KIF6: variants seen among roughly 807,000 people sequenced by gnomAD.
The protein encoded by KIF6 is kinesin family member 6.
Under a neutral mutation model 112.7 loss-of-function variants are expected in KIF6, and 106 were observed. That is an observed-to-expected ratio of 0.94 (90% CI 0.80 to 1.11). The LOEUF is 1.11. Among genes scored for constraint, KIF6 ranks in the 50% least tolerant of loss-of-function variants. The pLI is 0.00. For missense variants in KIF6, 929 were observed against 964.0 expected, an observed-to-expected ratio of 0.96 and a Z score of 0.48; for synonymous variants, 339 against 339.9, an observed-to-expected ratio of 1.00 and a Z score of 0.03.
chr6:39,578,127 T>C lies in KIF6; in HGVS notation c.1110A>G (p.Glu370=), dbSNP rs765475604. The C allele has an allele frequency of 1.2e-6, 2 of 1,614,036 alleles. No individual in the cohort carries two copies. Among genetic ancestry groups the C allele is most frequent in the South Asian group, 2.2e-5 (2 of 91,072 alleles). ...VIKRLQKEIQ[E]LKDELAMVTG... The stretch of plus-strand genomic sequence containing the variant: ...TGACCATGGCCAGTTCATCCTTCAG[T>C]TCCTGGATTTCCTTTTGTAGGCGTT... Residue 370 remains glutamate (E), a synonymous_variant, in exon 10 of 23, where the codon GAA becomes GAG. Transcript: ENST00000287152.
rs897330378 is a variant in KIF6, at chr6:39,570,556, G to A, written c.1181+7500C>T. On this transcript the variant is annotated intron_variant, in intron 10 of 22. Coordinates refer to ENST00000287152, the MANE Select transcript of KIF6 (RefSeq NM_145027.6). ...GATCCTATGGATACTAATTGATAGA[G>A]TTTGGCTGTGTCCCCACTCAAATCT... is the stretch of plus-strand genomic sequence containing the variant. Among the ~76,000 whole-genome samples, 15 of 152,288 alleles carry A rather than the reference G, an allele frequency of 9.8e-5. 1 individual carries two copies. The East Asian group carries it at 1.5e-3, about 16-fold the overall frequency.
intron 10 of KIF6, among the ~76,000 whole-genome samples, chr6:39,576,916 G>C (rs1781005347): frequency 6.6e-6 from 1 of 152,162 alleles, no homozygotes; most frequent in South Asian, 2.1e-4. Flanking sequence ...ATTCTGAAGA[G>C]ACATTTTCAA....
At chr6:39,712,154 A>G (rs910503391) in intron 3 of KIF6, among the ~76,000 whole-genome samples, 14 of 152,284 alleles carry the variant, frequency 9.2e-5, no homozygotes, top group African/African-American at 3.4e-4. Flanking sequence ...AAACTGGTTA[A>G]AGTAACTAAT....
intron 6 of KIF6, among the ~76,000 whole-genome samples, chr6:39,609,733 C>T (rs1783109424): frequency 6.6e-6 from 1 of 152,148 alleles, no homozygotes; most frequent in Non-Finnish European, 1.5e-5. Context: ...GACAAGGGTG[C>T]AGAATATAGA....
intron 13 of KIF6, among the ~76,000 whole-genome samples, chr6:39,446,044 G>GTA (rs1338028882): frequency 6.6e-6 from 1 of 152,156 alleles, no homozygotes; most frequent in African/African-American, 2.4e-5. Flanking sequence ...TTCCTTTAGT[G>GTA]TAACAGCAGG....
rs557618406 is a variant in KIF6, at chr6:39,444,967, G to T, written c.1646-13806C>A. Reference sequence around the variant, plus strand: ...GGCACCAGACACCTGACACCTGGGAGGAGCCGCATCACCTGAGAGCCCAGG... The same window carrying T: ...GGCACCAGACACCTGACACCTGGGATGAGCCGCATCACCTGAGAGCCCAGG... On this transcript the variant is annotated intron_variant, in intron 13 of 22. Coordinates refer to ENST00000287152, the MANE Select transcript of KIF6 (RefSeq NM_145027.6). Among the ~76,000 whole-genome samples the T allele has an allele frequency of 5.9e-5, 9 of 152,304 alleles. No homozygotes were observed. The East Asian group carries it at 1.5e-3, about 26-fold the overall frequency.
intron 16 of KIF6, among the ~76,000 whole-genome samples, chr6:39,374,087 G>A (rs1766242222): frequency 6.6e-6 from 1 of 152,132 alleles, no homozygotes; most frequent in South Asian, 2.1e-4. Flanking sequence ...TTTATGGCCA[G>A]TTGATTTTTG....
intron 3 of KIF6, among the ~76,000 whole-genome samples, chr6:39,642,960 T>C (rs1432144388): frequency 6.6e-6 from 1 of 152,106 alleles, no homozygotes; most frequent in African/African-American, 2.4e-5. Flanking sequence ...GGCTGGGAGA[T>C]GGAGGAGTTC....
intron 16 of KIF6, among the ~76,000 whole-genome samples, chr6:39,375,152 C>A (rs1766332264): frequency 6.6e-6 from 1 of 152,112 alleles, no homozygotes; most frequent in Non-Finnish European, 1.5e-5. Flanking sequence ...ATGTGAGAAT[C>A]TGAAATAGTT....
chr6:39,629,438 C>T (rs1188194919), intron 5 of KIF6, among the ~76,000 whole-genome samples: 2 of 152,128 alleles, frequency 1.3e-5, no homozygotes, highest in Non-Finnish European at 2.9e-5. Flanking sequence ...AGATTCTTTT[C>T]ATACGCTATT....
chr6:39,551,736 A>G (rs545744213), intron 10 of KIF6, among the ~76,000 whole-genome samples: 2 of 152,346 alleles, frequency 1.3e-5, no homozygotes, highest in South Asian at 4.1e-4. Context: ...GAATAGTTAC[A>G]CAATTTAAAA....
intron 13 of KIF6, among the ~76,000 whole-genome samples, chr6:39,432,771 G>C (rs575957560): frequency 6.6e-6 from 1 of 152,174 alleles, no homozygotes; most frequent in Non-Finnish European, 1.5e-5. Flanking sequence ...TCCCCTGTCC[G>C]GGTCTGCACC....
intron 13 of KIF6, among the ~76,000 whole-genome samples, chr6:39,464,099 G>A (rs541009199): frequency 6.6e-6 from 1 of 152,220 alleles, no homozygotes; most frequent in South Asian, 2.1e-4. Context: ...ATGGGTGGTG[G>A]GACCAAAAGC....
At chr6:39,720,966 G>C (rs1790183314) in intron 1 of KIF6, among the ~76,000 whole-genome samples, 155 bp from the exon 2 acceptor site, 2 of 152,108 alleles carry the variant, frequency 1.3e-5, no homozygotes, top group South Asian at 4.1e-4. Context: ...TCTTTGAACT[G>C]TGTGGATTCA....
At chr6:39,339,204 C>T (rs748776342) in intron 22 of KIF6, among the ~76,000 whole-genome samples, 17 of 152,130 alleles carry the variant, frequency 1.1e-4, no homozygotes, top group Non-Finnish European at 1.6e-4. Flanking sequence ...GGTGTTGGGC[C>T]AGCTCTCACC....
At chr6:39,556,458 A>G (rs1309220639) in intron 10 of KIF6, among the ~76,000 whole-genome samples, 5 of 152,192 alleles carry the variant, frequency 3.3e-5, no homozygotes, top group Non-Finnish European at 7.3e-5. Flanking sequence ...TGAGCTGTGA[A>G]AGAGAAGTTA....
chr6:39,405,500 GGT>G (rs1193001531), intron 15 of KIF6, among the ~76,000 whole-genome samples: 1 of 152,120 alleles, frequency 6.6e-6, no homozygotes, highest in Non-Finnish European at 1.5e-5. Flanking sequence ...CTATTAACAT[GGT>G]GGATTATATT....
intron 15 of KIF6, among the ~76,000 whole-genome samples, chr6:39,419,431 G>A (rs1326600640): frequency 6.6e-6 from 1 of 151,674 alleles, no homozygotes; most frequent in Non-Finnish European, 1.5e-5. Flanking sequence ...CACCTTTGCA[G>A]GGGTACTCAC....
In KIF6 at chr6:39,675,688, T is replaced by A. The variant is rs184101440; in HGVS notation, c.252-35931A>T. On this transcript the variant is annotated intron_variant, in intron 3 of 22. Transcript: ENST00000287152. ...ACAAGAGCTATCACATAAGACTATA[T>A]AATAGACATGTTTAAAATTATTAAA... Among the ~76,000 whole-genome samples the A allele has an allele frequency of 2.1e-3, 324 of 151,948 alleles. 1 individual carries two copies. Among genetic ancestry groups the A allele is most frequent in the African/African-American group, 7.2e-3 (297 of 41,442 alleles).
Sources: allele counts gnomAD v4.1 joint callset (sites outside exome capture counted in the v4.1 genomes callset), GRCh38; gene constraint gnomAD v4.1.1; transcripts MANE v1.5; gene names NCBI Gene and HGNC (gene_info 2026-07-23, HGNC 2026-07-21).